Variants in PCDHA13 observed in about 807,000 individuals in gnomAD.
PCDHA13 encodes the protein protocadherin alpha-13.
In PCDHA13, 54 loss-of-function variants were observed where a neutral mutation model predicts 64.8. That is an observed-to-expected ratio of 0.83 (90% CI 0.67 to 1.04). The LOEUF (loss-of-function observed/expected upper bound fraction) is 1.04. PCDHA13 is among the 50% of genes least tolerant of loss of function. The pLI, the probability that PCDHA13 is intolerant of heterozygous loss-of-function variation, is 0.00. For synonymous variants in PCDHA13, 587 were observed against 564.4 expected (o/e 1.04, Z -0.57); for missense variants, 1,248 against 1,254.3 (o/e 0.99, Z 0.08).
In PCDHA13 at chr5:140,884,334, C is replaced by T. The variant is rs1405987385; in HGVS notation, c.2066C>T (p.Pro689Leu). 6.2e-7 allele frequency: 1 copy of T among 1,613,746 alleles called. No homozygotes were observed. The highest frequency in any genetic ancestry group is 8.5e-7 in the Non-Finnish European group (1 of 1,179,874). Residue 689 changes from proline to leucine, a missense_variant, in exon 1 of 4, where the codon CCA (proline) becomes CTA (leucine). By Grantham distance (98) the Pro-to-Leu change is moderately conservative (BLOSUM62 -3). Coordinates refer to ENST00000289272, the MANE Select transcript of PCDHA13 (RefSeq NM_018904.3). ...AGGGCGTCGGCAGGCGCTGTGGGTC[C>T]AGAAGCGGCGCTGGTGGATGTCAAT... The part of the protein sequence containing the change: ...SSRASAGAVG[P>L]EAALVDVNVY...
rs190555934 is a variant in PCDHA13 at position 140,905,437 on chromosome 5, C to G, written c.2394+20775C>G. Among the ~76,000 whole-genome samples the G allele has an allele frequency of 2.8e-3, 421 of 152,248 alleles. 2 individuals carry two copies. The highest frequency in any genetic ancestry group is 0.014 in the Middle Eastern group (4 of 294). On this transcript the variant is annotated intron_variant, in intron 1 of 3. Coordinates refer to ENST00000289272, the MANE Select transcript of PCDHA13 (RefSeq NM_018904.3). ...TACCATGCTGGTTTGATAACTACAG[C>G]CTTTTAGTATAATTTAAAGTCAGGT...
chr5:140,946,634 A>ATATATATAT (rs1554217761), intron 1 of PCDHA13, among the ~76,000 whole-genome samples: 5 of 147,332 alleles, frequency 3.4e-5, no homozygotes, highest in African/African-American at 7.7e-5. Flanking sequence ...ATATATATAC[A>ATATATATAT]ATGGAATACT....
intron 1 of PCDHA13, among the ~76,000 whole-genome samples, chr5:140,959,555 T>A (rs538493851): frequency 1.3e-5 from 2 of 152,118 alleles, no homozygotes; most frequent in African/African-American, 4.8e-5. Flanking sequence ...ATAAATAGAA[T>A]CAGTACTAGA....
At chr5:140,905,620 T>G (rs1417322136) in intron 1 of PCDHA13, among the ~76,000 whole-genome samples, 2 of 152,210 alleles carry the variant, frequency 1.3e-5, no homozygotes, top group African/African-American at 4.8e-5. Context: ...ATAGATTGCT[T>G]TTGACAGTAT....
Position 140,882,982 on chromosome 5 carries a change from C to A in PCDHA13, c.714C>A (p.Asn238Lys), listed in dbSNP as rs139888237. The A allele has an allele frequency of 1.2e-6, 2 of 1,614,148 alleles. No homozygotes were observed. Among genetic ancestry groups the A allele is most frequent in the South Asian group, 1.1e-5 (1 of 91,080 alleles). The stretch of plus-strand genomic sequence containing the variant: ...TCACGATTCTGGACGTGAATGACAA[C>A]GCCCCGGAATTTTACCAATCCGTTT... ...LLITILDVND[N>K]APEFYQSVYK... is the part of the protein sequence containing the mutation. The change falls in exon 1 of 4, where the codon AAC (asparagine) becomes AAA (lysine). Residue 238 changes from asparagine to lysine, a missense_variant. Physicochemically the swap from Asn to Lys is moderately conservative, Grantham distance 94. Transcript: ENST00000289272.
At chr5:140,916,399 C>G (rs1421171065) in intron 1 of PCDHA13, among the ~76,000 whole-genome samples, 2 of 152,168 alleles carry the variant, frequency 1.3e-5, no homozygotes, top group African/African-American at 4.8e-5. Context: ...TGTGCTGGAT[C>G]ACACCTGAAG....
chr5:140,896,404 G>T (rs1003824556), intron 1 of PCDHA13, among the ~76,000 whole-genome samples: 4 of 151,996 alleles, frequency 2.6e-5, no homozygotes, highest in Admixed American at 2.6e-4. Context: ...TGTTATTTTT[G>T]ACTTTTTAGT....
intron 1 of PCDHA13, among the ~76,000 whole-genome samples, chr5:140,898,221 T>C (rs1238265746): frequency 6.6e-6 from 1 of 152,230 alleles, no homozygotes; most frequent in South Asian, 2.1e-4. Flanking sequence ...ATTTTGGCTT[T>C]TGTTGCCATT....
At chr5:140,986,355 T>G (rs1381730343) in intron 3 of PCDHA13, among the ~76,000 whole-genome samples, 6 of 152,154 alleles carry the variant, frequency 3.9e-5, no homozygotes, top group African/African-American at 1.4e-4. Context: ...CTTCTTCAGA[T>G]GGAGGAATGC....
intron 1 of PCDHA13, among the ~76,000 whole-genome samples, chr5:140,925,484 T>C (rs1178019565): frequency 6.6e-6 from 1 of 152,066 alleles, no homozygotes; most frequent in Admixed American, 6.6e-5. Flanking sequence ...CTCATAGAAC[T>C]GATCACTGTC....
chr5:140,971,509 A>C (rs1369392741), intron 1 of PCDHA13, among the ~76,000 whole-genome samples: 4 of 152,112 alleles, frequency 2.6e-5, no homozygotes, highest in Admixed American at 2.0e-4. Flanking sequence ...ATAGGAGCAA[A>C]AGCCACTCAG....
intron 2 of PCDHA13, among the ~76,000 whole-genome samples, chr5:140,980,491 G>A (rs917181390): frequency 2.6e-5 from 4 of 152,132 alleles, no homozygotes; most frequent in Non-Finnish European, 5.9e-5. Flanking sequence ...TTAGCTGGGC[G>A]TGATGGCATG....
At chr5:140,936,773 C>T (rs916525557) in intron 1 of PCDHA13, among the ~76,000 whole-genome samples, 3 of 152,280 alleles carry the variant, frequency 2.0e-5, no homozygotes, top group African/African-American at 7.2e-5. Context: ...TGTAAGTTCT[C>T]TCACTTTGTT....
intron 1 of PCDHA13, among the ~76,000 whole-genome samples, chr5:140,899,099 A>G (rs1379248424): frequency 6.6e-6 from 1 of 152,162 alleles, no homozygotes; most frequent in African/African-American, 2.4e-5. Context: ...GGCTGAGATA[A>G]TGGGGTTTTC....
At chr5:140,927,201 C>T (rs1330352185) in intron 1 of PCDHA13, 7 of 1,614,032 alleles carry the variant, frequency 4.3e-6, no homozygotes, top group Non-Finnish European at 5.1e-6. Flanking sequence ...TGCTCGAGGA[C>T]CCGCTGGAGC....
chr5:140,928,226 T>G, intron 1 of PCDHA13: 1 of 1,614,178 alleles, frequency 6.2e-7, no homozygotes, highest in African/African-American at 1.3e-5. Context: ...ACACCAAACT[T>G]TCCTCAACCC....
chr5:140,939,562 G>C (rs1584985766), intron 1 of PCDHA13, among the ~76,000 whole-genome samples: 1 of 152,158 alleles, frequency 6.6e-6, no homozygotes, highest in Middle Eastern at 3.4e-3. Flanking sequence ...TATTAGTTTG[G>C]TTAATCAAAA....
At chr5:140,965,343 T>C (rs1460433512) in intron 1 of PCDHA13, among the ~76,000 whole-genome samples, 1 of 152,154 alleles carries the variant, frequency 6.6e-6, no homozygotes, top group Admixed American at 6.5e-5. Flanking sequence ...TGTCTCTGTG[T>C]TGCCTCTATA....
intron 1 of PCDHA13, among the ~76,000 whole-genome samples, chr5:140,893,814 T>C (rs1254433414): frequency 6.6e-6 from 1 of 152,204 alleles, no homozygotes; most frequent in Non-Finnish European, 1.5e-5. Flanking sequence ...TTGAGTCTGG[T>C]ACCGTAGACT....
Sources: gnomAD v4.1 joint callset for allele counts (sites outside exome capture counted in the v4.1 genomes callset) on GRCh38, gnomAD v4.1.1 for gene constraint, MANE v1.5 for transcripts, NCBI Gene and HGNC (gene_info 2026-07-23, HGNC 2026-07-21) for gene names.